Variants in USP37 observed in about 807,000 individuals in gnomAD.
USP37 encodes the protein ubiquitin carboxyl-terminal hydrolase 37.
In USP37, 27 loss-of-function variants were observed where a neutral mutation model predicts 124.0. The ratio of observed to expected loss-of-function variants is 0.22; its 90% confidence interval spans 0.16 to 0.30. The LOEUF (loss-of-function observed/expected upper bound fraction) is 0.30. Ranked by LOEUF, USP37 falls within the 10% of genes least tolerant of loss-of-function variation. The pLI, the probability that USP37 is intolerant of heterozygous loss-of-function variation, is 1.00. For missense variants in USP37, 889 were observed against 1,140.4 expected (o/e 0.78, Z 3.17); for synonymous variants, 365 against 388.0 (o/e 0.94, Z 0.70).
chr2:218,498,121 A>G lies in USP37; in HGVS notation c.1062T>C (p.Ala354=), dbSNP rs1202412003. Residue 354 remains alanine, a synonymous_variant, in exon 12 of 26, where the codon GCT becomes GCC. Transcript: ENST00000258399. ...SNLGNTCYMN[A]ILQSLFSLQS... ...GGAGTGAAAATAGAGATTGTAGAAT[A>G]GCATTCATATAGCAGGTATTTCCCA... is the stretch of plus-strand genomic sequence containing the variant. The G allele has an allele frequency of 6.2e-7, 1 of 1,604,576 alleles. No individual in the cohort carries two copies.
intron 4 of USP37, among the ~76,000 whole-genome samples, chr2:218,557,076 C>T (rs1419630063): frequency 1.3e-5 from 2 of 152,016 alleles, no homozygotes; most frequent in African/African-American, 4.8e-5. Context: ...GCCATGTTGC[C>T]CAGGCTGGTC....
chr2:218,452,213 C>T lies in USP37; in HGVS notation c.*2717G>A, dbSNP rs924653901. ...TCAATGTCATTTAAAGTAATGTAAC[C>T]ACACATTTGGTATTTTCAATAGGAA... On this transcript the variant is annotated 3_prime_UTR_variant, in exon 26 of 26. Transcript: ENST00000258399. The T allele has an allele frequency of 2.6e-5, 4 of 151,942 alleles. No homozygotes were observed. The highest frequency in any genetic ancestry group is 2.6e-4 in the Admixed American group (4 of 15,242). 9.4% of individuals were successfully genotyped at this position (151,942 alleles called of 1,614,324 possible). A position where few individuals can be genotyped will look rare whatever the true frequency, so the allele number is the denominator to read the frequency against.
At position 218,509,882 on chromosome 2, in the gene USP37, A is replaced by G. The variant is rs901642240; in HGVS notation, c.1025+97T>C. On this transcript the variant is annotated intron_variant, in intron 11 of 25. Transcript: ENST00000258399. ...GTGATCTAATTTCTAAATATTTTAG[A>G]ACTTTAATGTGACTCCTTTAATTAC... is the stretch of plus-strand genomic sequence containing the variant. 62 of 1,161,808 alleles carry G rather than the reference A, an allele frequency of 5.3e-5. No homozygotes were observed. The African/African-American group carries it at 9.6e-4, about 18-fold the overall frequency. The allele number at this position is 1,161,808 out of a possible 1,614,324, so 72.0% of individuals were successfully genotyped here.
At chr2:218,504,260 AAAT>A (rs1270467163) in intron 11 of USP37, among the ~76,000 whole-genome samples, 3 of 152,162 alleles carry the variant, frequency 2.0e-5, no homozygotes, top group African/African-American at 7.2e-5. Context: ...TGTTTCCATT[AAAT>A]AATCTCTCCC....
At chr2:218,527,225 G>A (rs1691030227) in intron 10 of USP37, among the ~76,000 whole-genome samples, 1 of 152,182 alleles carries the variant, frequency 6.6e-6, no homozygotes, top group Non-Finnish European at 1.5e-5. Flanking sequence ...GCAGGTAACA[G>A]TAAAGCAGAG....
chr2:218,467,313 C>A (rs1690392878), intron 20 of USP37, among the ~76,000 whole-genome samples: 2 of 95,178 alleles, frequency 2.1e-5, no homozygotes, highest in African/African-American at 7.8e-5. Flanking sequence ...CCCAGCTAAT[C>A]TATATCTATC....
chr2:218,481,275 T>C (rs2105974329), intron 17 of USP37, among the ~76,000 whole-genome samples: 1 of 152,374 alleles, frequency 6.6e-6, no homozygotes. Context: ...TTTACACTGC[T>C]GATAATATAT....
intron 20 of USP37, among the ~76,000 whole-genome samples, chr2:218,472,235 A>G (rs928879158): frequency 6.6e-6 from 1 of 152,098 alleles, no homozygotes; most frequent in Non-Finnish European, 1.5e-5. Flanking sequence ...TTGGCACAGA[A>G]TCAATTCAAT....
intron 4 of USP37, among the ~76,000 whole-genome samples, chr2:218,558,007 T>G (rs1256769489): frequency 2.0e-5 from 3 of 149,136 alleles, no homozygotes; most frequent in African/African-American, 5.0e-5. Flanking sequence ...AACTTCACAG[T>G]TAGAAGAAAA....
chr2:218,459,833 T>C lies in USP37; in HGVS notation c.2600A>G (p.Glu867Gly), dbSNP rs1339360455. 1.2e-6 allele frequency: 2 copies of C among 1,613,960 alleles called. No homozygotes were observed. The highest frequency in any genetic ancestry group is 1.7e-6 in the Non-Finnish European group (2 of 1,179,920). The change falls in exon 23 of 26, where the codon GAG becomes GGG. Residue 867 changes from glutamate to glycine, a missense_variant. Coordinates refer to ENST00000258399, the MANE Select transcript of USP37 (RefSeq NM_020935.3). ...DSGNEDVFDM[E>G]YTEAEAEELK... ...TTCCTCAGCTTCAGCTTCTGTGTAC[T>C]CCATATCAAAAACATCCTCATTTCC...
intron 20 of USP37, among the ~76,000 whole-genome samples, chr2:218,466,701 A>C (rs1447590909): frequency 6.6e-6 from 1 of 152,184 alleles, no homozygotes; most frequent in East Asian, 1.9e-4. Flanking sequence ...GAATTAGGCC[A>C]AAATGATCAA....
intron 5 of USP37, 46 bp downstream of exon 5, chr2:218,553,507 C>A: frequency 1.3e-6 from 2 of 1,534,950 alleles, no homozygotes; most frequent in Admixed American, 2.0e-5. Flanking sequence ...CTAGTCATAG[C>A]CTTGTAAAAA....
intron 22 of USP37, among the ~76,000 whole-genome samples, chr2:218,460,340 C>A (rs1689947727): frequency 6.6e-6 from 1 of 151,890 alleles, no homozygotes; most frequent in Non-Finnish European, 1.5e-5. Flanking sequence ...TTTTATCATT[C>A]TAAGAAAACA....
intron 25 of USP37, 122 bp downstream of exon 25, chr2:218,455,458 A>C: frequency 7.1e-7 from 1 of 1,409,558 alleles, no homozygotes; most frequent in Non-Finnish European, 9.4e-7. Context: ...AAAGATGATA[A>C]AAACCAAAAA....
At chr2:218,550,026 A>G in intron 5 of USP37, 117 bp from the exon 6 acceptor site, 1 of 702,556 alleles carries the variant, frequency 1.4e-6, no homozygotes, top group Non-Finnish European at 2.1e-6. Context: ...GCAGGCAAAA[A>G]AGAAAACAAA....
chr2:218,457,995 G>C (rs866164917), intron 23 of USP37, among the ~76,000 whole-genome samples: 1 of 148,508 alleles, frequency 6.7e-6, no homozygotes, highest in South Asian at 2.1e-4. Context: ...AGCTGAGATC[G>C]GGCCACTGCA....
At chr2:218,562,934 C>A (rs142101101) in intron 1 of USP37, 121 bp from the exon 2 acceptor site, 1 of 374,806 alleles carries the variant, frequency 2.7e-6, no homozygotes, top group Non-Finnish European at 4.7e-6. Flanking sequence ...GAGGTGGAGG[C>A]GGGCAGATAA....
intron 10 of USP37, among the ~76,000 whole-genome samples, chr2:218,529,082 T>C (rs1205611345): frequency 2.6e-5 from 4 of 152,168 alleles, no homozygotes; most frequent in African/African-American, 9.7e-5. Context: ...CTGATAATAT[T>C]GTCTGTCGCA....
At chr2:218,483,607 A>AT (rs553210150) in intron 16 of USP37, among the ~76,000 whole-genome samples, 53 of 151,694 alleles carry the variant, frequency 3.5e-4, no homozygotes, top group Admixed American at 5.9e-4. Flanking sequence ...AAAAAAAAAA[A>AT]GAAAAAAAAG....
Sources: gnomAD v4.1 joint callset for allele counts (sites outside exome capture counted in the v4.1 genomes callset) on GRCh38, gnomAD v4.1.1 for gene constraint, MANE v1.5 for transcripts, NCBI Gene and HGNC (gene_info 2026-07-23, HGNC 2026-07-21) for gene names.